The following ASAP2 variants were observed in gnomAD, a reference collection of about 807,000 sequenced individuals.
ASAP2 encodes arf-GAP with SH3 domain, ANK repeat and PH domain-containing protein 2.
ASAP2 carries 45 observed loss-of-function variants against 131.4 expected under a neutral mutation model. The ratio of observed to expected loss-of-function variants is 0.34; its 90% confidence interval spans 0.27 to 0.44. ASAP2 has a LOEUF of 0.44. Among genes scored for constraint, ASAP2 ranks in the 20% least tolerant of loss-of-function variants. ASAP2 has a pLI of 1.00. For synonymous variants in ASAP2, 510 were observed against 503.0 expected (o/e 1.01, Z -0.19); for missense variants, 1,011 against 1,297.0 (o/e 0.78, Z 3.39).
At chr2:9,376,728 T>C (rs1443111153) in intron 17 of ASAP2, among the ~76,000 whole-genome samples, 180 bp from the exon 18 acceptor site, 3 of 152,194 alleles carry the variant, frequency 2.0e-5, no homozygotes, top group African/African-American at 7.2e-5. Context: ...AATCTCCAAA[T>C]TGCACGTTCC....
chr2:9,402,406 G>A (rs2148838401), intron 27 of ASAP2, among the ~76,000 whole-genome samples: 1 of 152,320 alleles, frequency 6.6e-6, no homozygotes, highest in East Asian at 1.9e-4. Flanking sequence ...GAGGCAGGCG[G>A]AACACTTGAG....
chr2:9,319,840 C>T (rs1009584110), intron 4 of ASAP2, among the ~76,000 whole-genome samples: 1 of 152,124 alleles, frequency 6.6e-6, no homozygotes, highest in Non-Finnish European at 1.5e-5. Flanking sequence ...GAGGATGTGG[C>T]GGCCTTTCTA....
chr2:9,344,498 C>A, intron 9 of ASAP2, 34 bp from the exon 10 acceptor site: 2 of 1,558,628 alleles, frequency 1.3e-6, no homozygotes, highest in Non-Finnish European at 8.8e-7. Context: ...AGGACCTGGA[C>A]AAGATTAAAA....
intron 3 of ASAP2, among the ~76,000 whole-genome samples, chr2:9,298,463 A>G (rs1279870541): frequency 2.0e-5 from 3 of 152,216 alleles, no homozygotes; most frequent in African/African-American, 7.2e-5. Context: ...GTAAAAGTAA[A>G]AAACTGTTTC....
chr2:9,393,373 G>A lies in ASAP2; in HGVS notation c.2519-109G>A, dbSNP rs1279327346. On this transcript the variant is annotated intron_variant, in intron 23 of 27. Coordinates refer to ENST00000281419, the MANE Select transcript of ASAP2 (RefSeq NM_003887.3). ...GAAATAGCAGCAGGTTTTTCCTTAG[G>A]AAATAGCAATAAAAAACTGAAGCCC... is the stretch of plus-strand genomic sequence containing the variant. 7.9e-6 allele frequency: 8 copies of A among 1,015,944 alleles called. No homozygotes were observed. The African/African-American group carries it at 1.3e-4, about 17-fold the overall frequency. 62.9% of individuals were successfully genotyped at this position (1,015,944 alleles called of 1,614,324 possible). A position where few individuals can be genotyped will look rare whatever the true frequency, so the allele number is the denominator to read the frequency against.
At chr2:9,213,637 C>T (rs917231505) in intron 1 of ASAP2, among the ~76,000 whole-genome samples, 1 of 151,990 alleles carries the variant, frequency 6.6e-6, no homozygotes, top group African/African-American at 2.4e-5. Flanking sequence ...GGTAAGTGGC[C>T]TGATTGAGGT....
intron 1 of ASAP2, among the ~76,000 whole-genome samples, chr2:9,239,405 C>T (rs1488532889): frequency 6.6e-6 from 1 of 151,960 alleles, no homozygotes; most frequent in East Asian, 1.9e-4. Flanking sequence ...TGATTGTTGA[C>T]CTTTTTACTC....
chr2:9,395,594 CTT>C, intron 24 of ASAP2, among the ~76,000 whole-genome samples: 77 of 58,968 alleles, frequency 1.3e-3, no homozygotes, highest in Non-Finnish European at 2.0e-3. Context: ...TGTTTTTTTT[CTT>C]TTTTTTTTTT....
At chr2:9,300,974 T>C (rs1344827039) in intron 3 of ASAP2, among the ~76,000 whole-genome samples, 2 of 152,232 alleles carry the variant, frequency 1.3e-5, no homozygotes, top group Non-Finnish European at 2.9e-5. Context: ...CCAGCGCCGG[T>C]GTGGAAGCTG....
chr2:9,293,891 G>A (rs1031546958), intron 2 of ASAP2, among the ~76,000 whole-genome samples: 1 of 151,958 alleles, frequency 6.6e-6, no homozygotes, highest in African/African-American at 2.4e-5. Context: ...CACTGTAAAC[G>A]TAAATCCATG....
chr2:9,349,928 G>T (rs1477923073), intron 11 of ASAP2, among the ~76,000 whole-genome samples: 2 of 152,100 alleles, frequency 1.3e-5, no homozygotes, highest in Admixed American at 1.3e-4. Flanking sequence ...GGGAAGTGGG[G>T]CCCAAGAACG....
At chr2:9,297,917 A>G (rs1306764473) in intron 3 of ASAP2, among the ~76,000 whole-genome samples, 3 of 152,190 alleles carry the variant, frequency 2.0e-5, no homozygotes, top group Non-Finnish European at 4.4e-5. Context: ...CCTAAAAAAA[A>G]GCAGGACTGA....
At chr2:9,398,445 G>A (rs931391892) in intron 24 of ASAP2, among the ~76,000 whole-genome samples, 24 of 152,150 alleles carry the variant, frequency 1.6e-4, no homozygotes, top group Admixed American at 1.2e-3. Context: ...CAGGAGTTCC[G>A]AGGCTGCGGT....
intron 2 of ASAP2, among the ~76,000 whole-genome samples, chr2:9,294,891 A>G (rs1189468702): frequency 2.0e-5 from 3 of 152,212 alleles, no homozygotes; most frequent in Non-Finnish European, 4.4e-5. Context: ...AAGCAGGACC[A>G]TGGAGGTTGC....
chr2:9,258,836 C>T (rs981652073), intron 1 of ASAP2, among the ~76,000 whole-genome samples: 7 of 152,236 alleles, frequency 4.6e-5, no homozygotes, highest in Non-Finnish European at 1.0e-4. Flanking sequence ...CTCTTCACTT[C>T]TCAAACTAAA....
chr2:9,396,533 T>A (rs1032241137), intron 24 of ASAP2, among the ~76,000 whole-genome samples: 7 of 152,178 alleles, frequency 4.6e-5, no homozygotes, highest in Non-Finnish European at 1.5e-5. Context: ...CACCTTGGCC[T>A]TTCAGAGTAC....
chr2:9,370,489 A>T (rs1673862765), intron 16 of ASAP2, among the ~76,000 whole-genome samples: 2 of 152,104 alleles, frequency 1.3e-5, no homozygotes, highest in South Asian at 4.1e-4. Context: ...CTATATTTTT[A>T]CCCAAACCTA....
intron 24 of ASAP2, among the ~76,000 whole-genome samples, chr2:9,393,884 C>T (rs1291401219): frequency 2.0e-5 from 3 of 152,236 alleles, no homozygotes; most frequent in African/African-American, 7.2e-5. Flanking sequence ...GTGTCCTCAA[C>T]ACACAAGGCT....
At chr2:9,302,169 CTTT>C (rs57906310) in intron 3 of ASAP2, among the ~76,000 whole-genome samples, 3 of 82,916 alleles carry the variant, frequency 3.6e-5, no homozygotes, top group African/African-American at 5.3e-5. Flanking sequence ...AGTTAGAAGC[CTTT>C]TTTTTTTTTT....
Sources: gnomAD v4.1 joint callset for allele counts (sites outside exome capture counted in the v4.1 genomes callset) on GRCh38, gnomAD v4.1.1 for gene constraint, MANE v1.5 for transcripts, NCBI Gene and HGNC (gene_info 2026-07-23, HGNC 2026-07-21) for gene names.